The following RUSC2 variants were observed in gnomAD, a reference collection of about 807,000 sequenced individuals.
RUSC2 encodes RUN and SH3 domain containing 2, also known as AP-4 complex accessory subunit RUSC2.
A neutral mutation model predicts 122.2 loss-of-function variants in RUSC2; 34 were observed. The ratio of observed to expected loss-of-function variants is 0.28; its 90% confidence interval spans 0.21 to 0.37. RUSC2 has a LOEUF of 0.37. Among genes scored for constraint, RUSC2 ranks in the 10% least tolerant of loss-of-function variants. RUSC2 has a pLI of 1.00. For missense variants in RUSC2, 1,747 were observed against 1,952.4 expected, an observed-to-expected ratio of 0.89 and a Z score of 1.98; for synonymous variants, 784 against 790.0, an observed-to-expected ratio of 0.99 and a Z score of 0.13.
chr9:35,504,656 G>A lies in RUSC2; in HGVS notation c.-93+14484G>A, dbSNP rs190289578. Among the ~76,000 whole-genome samples the A allele has an allele frequency of 2.8e-3, 430 of 151,972 alleles. 3 individuals carry two copies. The highest frequency in any genetic ancestry group is 8.0e-3 in the Admixed American group (122 of 15,256). ...AATTTTGTATTTTTAGTAGAGACAG[G>A]GTTTCACCACGTTGGCCAGACTGGT... On this transcript the variant is annotated intron_variant, in intron 1 of 11. Coordinates refer to ENST00000361226, the MANE Select transcript of RUSC2 (RefSeq NM_014806.5).
At chr9:35,502,037 C>T (rs1032546744) in intron 1 of RUSC2, among the ~76,000 whole-genome samples, 1 of 152,066 alleles carries the variant, frequency 6.6e-6, no homozygotes, top group Non-Finnish European at 1.5e-5. Context: ...TACTGTTGGT[C>T]TCTTTGTCCA....
rs1290710467 is a variant in RUSC2 at position 35,547,006 on chromosome 9, C to G, written c.485C>G (p.Thr162Arg). ...GPRVGRPWGT[T>R]RSRAGVVEGQ... Reference sequence around the variant, plus strand: ...AGAGTGGGCAGGCCATGGGGGACAACACGCAGTCGGGCTGGAGTGGTGGAA... The same window carrying G: ...AGAGTGGGCAGGCCATGGGGGACAAGACGCAGTCGGGCTGGAGTGGTGGAA... The change falls in exon 2 of 12, where the codon ACA becomes AGA. Residue 162 changes from threonine to arginine, a missense_variant. Physicochemically the swap from Thr to Arg is moderately conservative, Grantham distance 71. Coordinates refer to ENST00000361226, the MANE Select transcript of RUSC2 (RefSeq NM_014806.5). The surrounding 1 kb of genome is among the most constrained non-coding windows in gnomAD (Gnocchi z 4.6). 1 of 1,604,550 alleles carries G rather than the reference C, an allele frequency of 6.2e-7. No homozygotes were observed. Among genetic ancestry groups the G allele is most frequent in the Non-Finnish European group, 8.5e-7 (1 of 1,174,538 alleles).
Position 35,555,669 on chromosome 9 carries a change from GT to G in RUSC2, c.2625del (p.Glu876ArgfsTer30). On this transcript the variant is annotated frameshift_variant, in exon 3 of 12. Transcript: ENST00000361226. LOFTEE classifies it high-confidence loss of function. This position sits in a 1 kb window ranked among gnomAD's most constrained non-coding sequence, Gnocchi z 4.6. Reference sequence around the variant, plus strand: ...GCAGAGAGCCTGGCCCGGGGAGGTGGTGAGGGCAGCATGGCCACCAGGCCCA... The same window carrying G: ...GCAGAGAGCCTGGCCCGGGGAGGTGGGAGGGCAGCATGGCCACCAGGCCCA... ...SRAESLARGG[G>X]EGSMATRPSN... 6.2e-7 allele frequency: 1 copy of G among 1,601,966 alleles called. No individual in the cohort carries two copies. Among genetic ancestry groups the G allele is most frequent in the Non-Finnish European group, 8.5e-7 (1 of 1,179,192 alleles).
chr9:35,556,666 C>T (rs1822027869), intron 5 of RUSC2, among the ~76,000 whole-genome samples: 1 of 151,832 alleles, frequency 6.6e-6, no homozygotes, highest in African/African-American at 2.4e-5. Context: ...CTACTAAAAA[C>T]ACAAAAAAAA....
chr9:35,528,963 AAAAC>A (rs1821370683), intron 1 of RUSC2, among the ~76,000 whole-genome samples: 1 of 152,208 alleles, frequency 6.6e-6, no homozygotes, highest in African/African-American at 2.4e-5. Context: ...TTTAAAAAAG[AAAAC>A]AAAAAATAAA....
At position 35,557,907 on chromosome 9, in the gene RUSC2, C is replaced by T. The variant is rs765791967; in HGVS notation, c.2984-7C>T. The T allele has an allele frequency of 6.2e-7, 1 of 1,613,912 alleles. No individual in the cohort carries two copies. Among genetic ancestry groups the T allele is most frequent in the Non-Finnish European group, 8.5e-7 (1 of 1,179,768 alleles). On this transcript the variant is annotated splice_polypyrimidine_tract_variant and splice_region_variant and intron_variant, in intron 5 of 11. Transcript: ENST00000361226. The surrounding 1 kb of genome is among the most constrained non-coding windows in gnomAD (Gnocchi z 4.6). ...AGGGACCTGTCACATCACATTCTTC[C>T]CTGCAGGGCTGGTAAAAGCTGTTAA...
chr9:35,532,944 T>C (rs930776142), intron 1 of RUSC2, among the ~76,000 whole-genome samples: 2 of 151,960 alleles, frequency 1.3e-5, no homozygotes, highest in African/African-American at 4.8e-5. Flanking sequence ...AGTCCATTTG[T>C]TAAGGAATTT....
chr9:35,543,133 A>T (rs149739265), intron 1 of RUSC2, among the ~76,000 whole-genome samples: 1 of 152,292 alleles, frequency 6.6e-6, no homozygotes, highest in African/African-American at 2.4e-5. Flanking sequence ...TCAAAGAAAA[A>T]AAATTGTTTA....
At chr9:35,537,884 C>T (rs572002939) in intron 1 of RUSC2, among the ~76,000 whole-genome samples, 7 of 152,312 alleles carry the variant, frequency 4.6e-5, no homozygotes, top group South Asian at 4.1e-4. Context: ...ACAAAGTGGA[C>T]GGAGACCTCA....
At chr9:35,530,841 G>A (rs1168788901) in intron 1 of RUSC2, among the ~76,000 whole-genome samples, 1 of 151,494 alleles carries the variant, frequency 6.6e-6, no homozygotes, top group East Asian at 2.0e-4. Context: ...GTTTCACCAC[G>A]TTGGCCAGGC....
intron 4 of RUSC2, 26 bp downstream of exon 4, chr9:35,556,163 C>T (rs769973856): frequency 1.2e-6 from 2 of 1,610,782 alleles, no homozygotes; most frequent in South Asian, 1.1e-5. Flanking sequence ...CCCCAGTACA[C>T]CCGGGGCAGG....
intron 1 of RUSC2, among the ~76,000 whole-genome samples, chr9:35,532,602 T>C (rs1821441738): frequency 1.3e-5 from 2 of 151,356 alleles, no homozygotes; most frequent in Non-Finnish European, 3.0e-5. Context: ...AAAATATAGC[T>C]GGGTGTGGTG....
intron 1 of RUSC2, among the ~76,000 whole-genome samples, chr9:35,516,508 TTA>T (rs1821110883): frequency 6.6e-6 from 1 of 152,114 alleles, no homozygotes; most frequent in East Asian, 1.9e-4. Flanking sequence ...TAAAGATGGT[TTA>T]TGGTTCATTC....
intron 1 of RUSC2, among the ~76,000 whole-genome samples, chr9:35,494,404 C>T (rs1474739134): frequency 6.6e-6 from 1 of 152,108 alleles, no homozygotes; most frequent in Non-Finnish European, 1.5e-5. Context: ...GCTGAGGTTG[C>T]AGTGAGCTGA....
In RUSC2 at chr9:35,556,231, G is replaced by T; in HGVS notation, c.2843-77G>T. On this transcript the variant is annotated intron_variant, in intron 4 of 11. Coordinates refer to ENST00000361226, the MANE Select transcript of RUSC2 (RefSeq NM_014806.5). The stretch of plus-strand genomic sequence containing the variant: ...GTCAGTCCCAAAGGAACGTGTCTCA[G>T]ACGGTACGAGGCACTGAACTGGCCT... 5.0e-6 allele frequency: 8 copies of T among 1,598,304 alleles called. No homozygotes were observed. The South Asian group carries it at 9.0e-5, about 18-fold the overall frequency.
chr9:35,494,046 A>G (rs983305311), intron 1 of RUSC2, among the ~76,000 whole-genome samples: 3 of 151,318 alleles, frequency 2.0e-5, no homozygotes, highest in African/African-American at 7.3e-5. Context: ...TTATTTATTT[A>G]TTTATTTGAG....
chr9:35,544,290 T>A (rs1821699861), intron 1 of RUSC2, among the ~76,000 whole-genome samples: 2 of 147,824 alleles, frequency 1.4e-5, no homozygotes, highest in Admixed American at 1.4e-4. Flanking sequence ...TGCCCTGTCT[T>A]AAACTGGATC....
At chr9:35,494,266 G>A (rs1465254701) in intron 1 of RUSC2, among the ~76,000 whole-genome samples, 1 of 151,940 alleles carries the variant, frequency 6.6e-6, no homozygotes, top group African/African-American at 2.4e-5. Flanking sequence ...AGGAGTTCAA[G>A]ACCAGCCTGG....
chr9:35,512,661 AT>A (rs574389713), intron 1 of RUSC2, among the ~76,000 whole-genome samples: 237 of 152,042 alleles, frequency 1.6e-3, no homozygotes, highest in African/African-American at 4.7e-3. Flanking sequence ...ATGTGTATGC[AT>A]TTTTTTTAAA....
Sources: gnomAD v4.1 joint callset for allele counts (sites outside exome capture counted in the v4.1 genomes callset) on GRCh38, gnomAD v4.1.1 for gene constraint, Gnocchi (gnomAD v3.1) non-coding constraint, MANE v1.5 for transcripts, NCBI Gene and HGNC (gene_info 2026-07-23, HGNC 2026-07-21) for gene names.